Variants in MTERF4 observed in about 807,000 individuals in gnomAD.
MTERF4 encodes transcription termination factor 4, mitochondrial.
In MTERF4, 17 loss-of-function variants were observed where a neutral mutation model predicts 22.5. The ratio of observed to expected loss-of-function variants is 0.75; its 90% CI spans 0.52 to 1.13. The LOEUF is 1.13. MTERF4 is among the 50% of genes most tolerant of loss of function. The pLI is 0.00. For synonymous variants in MTERF4, 165 were observed against 175.3 expected (o/e 0.94, Z 0.47); for missense variants, 420 against 466.8 (o/e 0.90, Z 0.92).
In MTERF4 at chr2:241,072,708, C is replaced by T. The variant is rs1328378875; in HGVS notation, n.3454G>A. ...TCTGAGGAGAGGGCAGGCAGCTGCC[C>T]GGGATGCCCAGTGGTGGGCAGGTGA... On this transcript the variant is annotated non_coding_transcript_exon_variant, in exon 5 of 5. Coordinates refer to the MTERF4 transcript ENST00000464344. 4 of 190,388 alleles carry T rather than the reference C, an allele frequency of 2.1e-5. No homozygotes were observed. In the South Asian group the frequency reaches 3.0e-4, roughly 14 times the overall value. 11.8% of individuals were successfully genotyped at this position (190,388 alleles called of 1,614,324 possible).
chr2:241,078,544 ACT>A (rs1280051995), intron 4 of MTERF4, among the ~76,000 whole-genome samples: 2 of 151,580 alleles, frequency 1.3e-5, no homozygotes, highest in East Asian at 1.9e-4. Context: ...GACACAGAAG[ACT>A]CTATGTACTA....
At chr2:241,094,825 AT>A (rs1277759699), downstream of MTERF4, 1 of 162,736 alleles carries the variant, frequency 6.1e-6, no homozygotes, top group African/African-American at 2.4e-5. The surrounding 1 kb of genome is among the most constrained non-coding windows in gnomAD (Gnocchi z 4.3). Flanking sequence ...GGAGACTTGA[AT>A]TTTGGTCCCA....
chr2:241,063,811 G>A, the MTERF4 span: 1 of 858,202 alleles, frequency 1.2e-6, no homozygotes, highest in Non-Finnish European at 1.8e-6. Flanking sequence ...TGGGGAGAGG[G>A]ACCCCCAGGG....
chr2:241,064,832 T>G, the MTERF4 span: 1 of 1,570,086 alleles, frequency 6.4e-7, no homozygotes, highest in East Asian at 2.4e-5. The surrounding 1 kb of genome is among the most constrained non-coding windows in gnomAD (Gnocchi z 7.0). Context: ...CTGCCACTTT[T>G]TCTCCCCTCA....
At chr2:241,060,354 T>G in the MTERF4 span, among the ~76,000 whole-genome samples, 1 of 152,180 alleles carries the variant, frequency 6.6e-6, no homozygotes, top group African/African-American at 2.4e-5. Context: ...AGCTAATTTT[T>G]GTATTCCTAA....
At chr2:241,081,094 G>C (rs530319931) in intron 4 of MTERF4, among the ~76,000 whole-genome samples, 1 of 152,358 alleles carries the variant, frequency 6.6e-6, no homozygotes, top group South Asian at 2.1e-4. Flanking sequence ...GTGGGACTTG[G>C]ACACATCACA....
the MTERF4 span, chr2:241,049,892 G>A: frequency 6.2e-7 from 1 of 1,613,826 alleles, no homozygotes; most frequent in Non-Finnish European, 8.5e-7. Flanking sequence ...TCCTACACCT[G>A]CGAGTGCCCG....
the MTERF4 span, chr2:241,063,941 C>T: frequency 8.5e-7 from 1 of 1,178,542 alleles, no homozygotes; most frequent in East Asian, 2.6e-5. Flanking sequence ...TTCCCTTCTT[C>T]CCGCTGTCCT....
rs2064603438 is a variant in MTERF4, at chr2:241,099,493, C to T, written c.423G>A (p.Val141=). The T allele has an allele frequency of 6.2e-7, 1 of 1,614,104 alleles. No individual in the cohort carries two copies. The highest frequency in any genetic ancestry group is 1.1e-5 in the South Asian group (1 of 91,094). Residue 141 remains valine (V), a synonymous_variant, in exon 2 of 4, where the codon GTG becomes GTA. Transcript: ENST00000391980. ...FILLGLNPEP[V]CVVLKKSPQL... is the part of the protein sequence containing the mutation. ...GGGGACTTTTCTTCAAGACCACACACACAGGCTCTGGATTCAGACCCAAGA... is the reference window on the plus strand; with the variant it reads ...GGGGACTTTTCTTCAAGACCACACATACAGGCTCTGGATTCAGACCCAAGA...
At chr2:241,049,778 G>A in the MTERF4 span, 10 of 1,527,484 alleles carry the variant, frequency 6.5e-6, no homozygotes, top group South Asian at 1.1e-4. Flanking sequence ...CACAGATGCG[G>A]CGTAAGCTCC....
the MTERF4 span, chr2:241,048,217 C>A: frequency 7.3e-7 from 1 of 1,368,322 alleles, no homozygotes. Flanking sequence ...GGAATGACAA[C>A]AGAGGTGAAA....
At chr2:241,064,137 G>T in the MTERF4 span, 1 of 1,525,834 alleles carries the variant, frequency 6.6e-7, no homozygotes. This position sits in a 1 kb window ranked among gnomAD's most constrained non-coding sequence, Gnocchi z 7.0. Context: ...TAGGGCGGCA[G>T]GCCTGCCTGC....
rs754783106 is a variant in MTERF4, at chr2:241,096,264, GA to G, written c.879del (p.Leu294SerfsTer117). ...TQIPNPLLKDILRVSEAEFLA... is the reference protein window; with the variant it reads ...TQIPNPLLKDXLRVSEAEFLA... ...AAAAACTCAGCTTCTGAAACTCTGA[GA>G]ATGTCCTTGAGCAATGGGTTAGGGA... On this transcript the variant is annotated frameshift_variant, in exon 4 of 4. Coordinates refer to ENST00000391980, the MANE Select transcript of MTERF4 (RefSeq NM_182501.4). LOFTEE classifies it low-confidence loss of function (END_TRUNC). This position sits in a 1 kb window ranked among gnomAD's most constrained non-coding sequence, Gnocchi z 5.1. 2.5e-6 allele frequency: 4 copies of G among 1,614,204 alleles called. No individual in the cohort carries two copies. Among genetic ancestry groups the G allele is most frequent in the Non-Finnish European group, 3.4e-6 (4 of 1,180,044 alleles).
the MTERF4 span, among the ~76,000 whole-genome samples, chr2:241,052,835 T>C: frequency 0.042 from 4,009 of 94,444 alleles, 222 homozygotes; most frequent in East Asian, 0.19. Flanking sequence ...GATGCCGGTG[T>C]CAGGCAGGTG....
the MTERF4 span, among the ~76,000 whole-genome samples, chr2:241,044,650 A>C: frequency 1.3e-5 from 2 of 152,352 alleles, no homozygotes; most frequent in South Asian, 4.1e-4. Context: ...GAAGCCCTCT[A>C]GTCCAGCTTA....
At chr2:241,056,580 A>ATTTTTTTTTT in the MTERF4 span, among the ~76,000 whole-genome samples, 30,772 of 108,542 alleles carry the variant, frequency 0.28, 5,340 homozygotes, top group South Asian at 0.33. Context: ...AATAAGTGAA[A>ATTTTTTTTTT]TTTTTTTTTT....
At chr2:241,052,376 G>A in the MTERF4 span, 1 of 1,583,514 alleles carries the variant, frequency 6.3e-7, no homozygotes, top group Non-Finnish European at 8.6e-7. Flanking sequence ...TGCTTCCGGA[G>A]CCCGTGTGTG....
downstream of MTERF4, chr2:241,089,342 A>T: frequency 1.9e-6 from 3 of 1,550,654 alleles, no homozygotes; most frequent in Non-Finnish European, 2.6e-6. Flanking sequence ...CCACTTCAAA[A>T]CAGGTCTATG....
At chr2:241,055,805 C>A in the MTERF4 span, among the ~76,000 whole-genome samples, 1 of 152,212 alleles carries the variant, frequency 6.6e-6, no homozygotes, top group African/African-American at 2.4e-5. Context: ...CATAGTCTCA[C>A]AAGGATTAGA....
Sources: allele counts gnomAD v4.1 joint callset (sites outside exome capture counted in the v4.1 genomes callset), GRCh38; gene constraint gnomAD v4.1.1; non-coding constraint Gnocchi (gnomAD v3.1); transcripts MANE v1.5; gene names NCBI Gene and HGNC (gene_info 2026-07-23, HGNC 2026-07-21).